The following CSMD1 variants were observed in gnomAD, a reference collection of about 807,000 sequenced individuals.
CSMD1 encodes the protein CUB and sushi domain-containing protein 1.
Under a neutral mutation model 417.5 loss-of-function variants are expected in CSMD1, and 213 were observed. The ratio of observed to expected loss-of-function variants is 0.51; its 90% confidence interval spans 0.46 to 0.57. The LOEUF (loss-of-function observed/expected upper bound fraction) is 0.57. Among genes scored for constraint, CSMD1 ranks in the 20% least tolerant of loss-of-function variants. The probability of loss-of-function intolerance (pLI) is 0.00; values close to 1 mark genes in which losing one functional copy is unlikely to be tolerated. For synonymous variants in CSMD1, 2,862 were observed against 1,736.8 expected, an observed-to-expected ratio of 1.65 and a Z score of -16.11; for missense variants, 6,923 against 4,529.7, an observed-to-expected ratio of 1.53 and a Z score of -15.17.
intron 12 of CSMD1, among the ~76,000 whole-genome samples, chr8:3,460,861 T>G (rs1423520599): frequency 1.3e-5 from 2 of 152,150 alleles, no homozygotes; most frequent in Non-Finnish European, 2.9e-5. Flanking sequence ...GTCAGGAAGC[T>G]TGTTCTAGAA....
At chr8:4,055,291 T>A (rs1798634685) in intron 3 of CSMD1, among the ~76,000 whole-genome samples, 2 of 152,166 alleles carry the variant, frequency 1.3e-5, no homozygotes, top group African/African-American at 2.4e-5. Flanking sequence ...ATTGTTTTTC[T>A]CTAGAAAGAT....
chr8:4,333,516 C>A (rs913696650), intron 3 of CSMD1, among the ~76,000 whole-genome samples: 31 of 152,140 alleles, frequency 2.0e-4, no homozygotes, highest in African/African-American at 7.2e-4. Flanking sequence ...ACTCTCATTT[C>A]ATAAAGTGCT....
intron 3 of CSMD1, among the ~76,000 whole-genome samples, chr8:4,242,750 C>G (rs537922226): frequency 1.1e-4 from 17 of 152,272 alleles, no homozygotes; most frequent in African/African-American, 3.1e-4. Context: ...AGGGCACAAT[C>G]TGAACATCCC....
intron 3 of CSMD1, among the ~76,000 whole-genome samples, chr8:4,231,349 T>G (rs1421800889): frequency 6.6e-6 from 1 of 152,174 alleles, no homozygotes; most frequent in Non-Finnish European, 1.5e-5. Context: ...ATAAATCACC[T>G]AGCATTGCTG....
At chr8:4,439,537 T>C (rs1445715055) in intron 2 of CSMD1, among the ~76,000 whole-genome samples, 1 of 152,160 alleles carries the variant, frequency 6.6e-6, no homozygotes, top group Admixed American at 6.5e-5. Context: ...TTTGAAAATG[T>C]ATATTTGAAG....
intron 49 of CSMD1, among the ~76,000 whole-genome samples, chr8:3,084,703 G>A (rs1414468491): frequency 6.6e-6 from 1 of 151,808 alleles, no homozygotes; most frequent in African/African-American, 2.4e-5. Flanking sequence ...AACTGTTGGG[G>A]CATAAATTGC....
chr8:3,878,741 T>C (rs1366000162), intron 5 of CSMD1, among the ~76,000 whole-genome samples: 1 of 152,136 alleles, frequency 6.6e-6, no homozygotes, highest in East Asian at 1.9e-4. Flanking sequence ...TATTAGACCC[T>C]TGTACTTTAT....
At chr8:4,069,205 C>A (rs975453450) in intron 3 of CSMD1, among the ~76,000 whole-genome samples, 1 of 152,018 alleles carries the variant, frequency 6.6e-6, no homozygotes, top group African/African-American at 2.4e-5. Flanking sequence ...CTGATTGAGG[C>A]GTGAATGTAA....
chr8:4,234,032 C>T (rs1463943408), intron 3 of CSMD1, among the ~76,000 whole-genome samples: 1 of 152,060 alleles, frequency 6.6e-6, no homozygotes, highest in African/African-American at 2.4e-5. Flanking sequence ...GGTTAAGAGT[C>T]TACCATCAGC....
intron 25 of CSMD1, among the ~76,000 whole-genome samples, chr8:3,301,853 T>C (rs1804434600): frequency 6.6e-6 from 1 of 152,240 alleles, no homozygotes; most frequent in Non-Finnish European, 1.5e-5. Flanking sequence ...AACAGGAAAG[T>C]CATGGGAATT....
intron 37 of CSMD1, among the ~76,000 whole-genome samples, chr8:3,174,320 C>G (rs1820774494): frequency 6.6e-6 from 1 of 152,066 alleles, no homozygotes; most frequent in Admixed American, 6.6e-5. Flanking sequence ...ATGGTGAAAG[C>G]CTGTATCTAT....
chr8:3,935,525 G>A (rs1810430619), intron 5 of CSMD1, among the ~76,000 whole-genome samples: 1 of 152,048 alleles, frequency 6.6e-6, no homozygotes, highest in Non-Finnish European at 1.5e-5. Flanking sequence ...CCACATTTTG[G>A]TAACTTTCAT....
chr8:4,360,663 T>C (rs1017810691), intron 3 of CSMD1, among the ~76,000 whole-genome samples: 5 of 152,060 alleles, frequency 3.3e-5, no homozygotes, highest in African/African-American at 1.2e-4. Flanking sequence ...GCTAATTTTT[T>C]TTTTGTTTTT....
chr8:4,222,979 C>T (rs542276738), intron 3 of CSMD1, among the ~76,000 whole-genome samples: 3 of 151,924 alleles, frequency 2.0e-5, no homozygotes, highest in Non-Finnish European at 4.4e-5. Flanking sequence ...CTTTGAGAAG[C>T]TGAAGTTAGA....
chr8:4,683,786 C>A (rs916889887), intron 1 of CSMD1, among the ~76,000 whole-genome samples: 5 of 151,958 alleles, frequency 3.3e-5, no homozygotes, highest in Admixed American at 1.3e-4. Flanking sequence ...TTTCTAGGCA[C>A]TAAGGCTACA....
At chr8:4,563,274 A>G (rs563730521) in intron 2 of CSMD1, among the ~76,000 whole-genome samples, 167 of 152,144 alleles carry the variant, frequency 1.1e-3, no homozygotes, top group African/African-American at 3.5e-3. Flanking sequence ...GGTGGCGGGC[A>G]CCTGTAGTCC....
chr8:3,804,255 A>G (rs1386554340), intron 5 of CSMD1, among the ~76,000 whole-genome samples: 1 of 152,162 alleles, frequency 6.6e-6, no homozygotes, highest in Non-Finnish European at 1.5e-5. Flanking sequence ...TTAAACGTCA[A>G]TTCAAAACAT....
intron 1 of CSMD1, among the ~76,000 whole-genome samples, chr8:4,993,672 G>C (rs1263158301): frequency 6.6e-6 from 1 of 152,204 alleles, no homozygotes; most frequent in Non-Finnish European, 1.5e-5. Flanking sequence ...CTCCTAGCCT[G>C]TTTCACGCAC....
At chr8:4,186,268 A>G (rs552583761) in intron 3 of CSMD1, among the ~76,000 whole-genome samples, 1 of 152,212 alleles carries the variant, frequency 6.6e-6, no homozygotes, top group East Asian at 1.9e-4. Flanking sequence ...GGAAAGTGTA[A>G]AATTACAAGA....
Sources: allele counts gnomAD v4.1 joint callset (sites outside exome capture counted in the v4.1 genomes callset), GRCh38; gene constraint gnomAD v4.1.1; transcripts MANE v1.5; gene names NCBI Gene and HGNC (gene_info 2026-07-23, HGNC 2026-07-21).